Variants in GABRB3 observed in about 807,000 individuals in gnomAD.
The protein encoded by GABRB3 is gamma-aminobutyric acid receptor subunit beta-3.
Under a neutral mutation model 52.1 loss-of-function variants are expected in GABRB3, and 14 were observed. That is an observed-to-expected ratio of 0.27 (90% CI 0.18 to 0.42). The LOEUF (loss-of-function observed/expected upper bound fraction) is 0.42, where lower values mean the gene tolerates loss of function less well. Ranked by LOEUF, GABRB3 falls within the 10% of genes least tolerant of loss-of-function variation. The probability of loss-of-function intolerance (pLI) is 1.00; values close to 1 mark genes in which losing one functional copy is unlikely to be tolerated. For synonymous variants in GABRB3, 260 were observed against 232.3 expected (o/e 1.12, Z -1.08); for missense variants, 307 against 609.1 (o/e 0.50, Z 5.22).
At chr15:26,577,732 G>A (rs951350083) in intron 6 of GABRB3, among the ~76,000 whole-genome samples, 6 of 152,084 alleles carry the variant, frequency 3.9e-5, no homozygotes, top group African/African-American at 4.8e-5. Context: ...AATTCCTACC[G>A]CCTGGTGACA....
chr15:26,628,447 G>C (rs2140553656), intron 3 of GABRB3, among the ~76,000 whole-genome samples: 1 of 152,280 alleles, frequency 6.6e-6, no homozygotes, highest in East Asian at 1.9e-4. Flanking sequence ...TCTAGGTTAA[G>C]TGCTATACTA....
chr15:26,662,794 T>A (rs578046053), intron 3 of GABRB3, among the ~76,000 whole-genome samples: 7 of 152,274 alleles, frequency 4.6e-5, no homozygotes, highest in African/African-American at 1.7e-4. Context: ...GGAAAAGCAT[T>A]ACCAGGAACA....
intron 3 of GABRB3, among the ~76,000 whole-genome samples, chr15:26,717,068 C>A (rs767066995): frequency 1.5e-4 from 20 of 136,412 alleles, no homozygotes; most frequent in Middle Eastern, 3.8e-3. Flanking sequence ...CCTCCGATGA[C>A]AGCCCAGCTC....
In GABRB3 at chr15:26,660,392, G is replaced by C. The variant is rs189444483; in HGVS notation, c.241-38858C>G. 1.4e-4 allele frequency among the ~76,000 whole-genome samples: 21 copies of C among 152,276 alleles called. 1 individual carries two copies. Among genetic ancestry groups the C allele is most frequent in the Admixed American group, 1.3e-3 (20 of 15,294 alleles). On this transcript the variant is annotated intron_variant, in intron 3 of 8. Coordinates refer to ENST00000311550, the MANE Select transcript of GABRB3 (RefSeq NM_000814.6). The stretch of plus-strand genomic sequence containing the variant: ...TAGTTAAAACCACCGGATCTCAGAT[G>C]GTGAGGGATTTCTGAAATCCCAAGT...
At chr15:26,724,986 T>C (rs1361527604) in intron 3 of GABRB3, among the ~76,000 whole-genome samples, 2 of 152,172 alleles carry the variant, frequency 1.3e-5, no homozygotes, top group East Asian at 1.9e-4. Context: ...ACACAGCCCA[T>C]GGAGCTCACA....
rs371340009 is a variant in GABRB3 at position 26,725,898 on chromosome 15, T to C, written c.240+46504A>G. ...AAGGTGTCACTATCTCAGCCACCCA[T>C]GTAGACAATCTGTGGTTGTTCAGCA... On this transcript the variant is annotated intron_variant, in intron 3 of 8. Transcript: ENST00000311550. Among the ~76,000 whole-genome samples, 9 of 152,330 alleles carry C rather than the reference T, an allele frequency of 5.9e-5. 1 individual carries two copies. The highest frequency in any genetic ancestry group is 5.8e-4 in the East Asian group (3 of 5,182).
intron 4 of GABRB3, among the ~76,000 whole-genome samples, chr15:26,588,959 G>A (rs1281366825): frequency 6.6e-6 from 1 of 152,176 alleles, no homozygotes; most frequent in African/African-American, 2.4e-5. Flanking sequence ...TGTAAGGAGA[G>A]CACTATCTCT....
At chr15:26,682,676 A>C (rs1888275242) in intron 3 of GABRB3, among the ~76,000 whole-genome samples, 1 of 152,246 alleles carries the variant, frequency 6.6e-6, no homozygotes, top group Admixed American at 6.5e-5. Flanking sequence ...GTCCTTTGAC[A>C]TAATGATGGA....
intron 3 of GABRB3, among the ~76,000 whole-genome samples, chr15:26,757,898 G>GA (rs1890705322): frequency 6.6e-6 from 1 of 152,154 alleles, no homozygotes; most frequent in African/African-American, 2.4e-5. Flanking sequence ...ACTTCACTGT[G>GA]AAGCATCAAA....
intron 3 of GABRB3, among the ~76,000 whole-genome samples, chr15:26,758,415 T>C (rs181317945): frequency 2.6e-4 from 40 of 152,292 alleles, no homozygotes; most frequent in African/African-American, 8.9e-4. Flanking sequence ...TTAATTATTT[T>C]AGAAACTCAG....
intron 3 of GABRB3, among the ~76,000 whole-genome samples, chr15:26,753,867 G>A (rs1343697320): frequency 6.6e-6 from 1 of 152,180 alleles, no homozygotes; most frequent in Admixed American, 6.5e-5. Context: ...AACCAATGCT[G>A]TTGGTCTTCT....
intron 3 of GABRB3, among the ~76,000 whole-genome samples, chr15:26,731,062 C>T (rs111536581): frequency 8.6e-5 from 7 of 81,504 alleles, no homozygotes; most frequent in South Asian, 3.4e-4. Context: ...CTCTCTCACT[C>T]GCTCTCGCTC....
intron 4 of GABRB3, among the ~76,000 whole-genome samples, chr15:26,609,707 A>G (rs1353482615): frequency 2.0e-5 from 3 of 152,202 alleles, no homozygotes; most frequent in African/African-American, 7.2e-5. Context: ...TTTAAGTTCT[A>G]TTGAAGAGCA....
At chr15:26,605,646 T>C (rs1471470876) in intron 4 of GABRB3, among the ~76,000 whole-genome samples, 2 of 152,180 alleles carry the variant, frequency 1.3e-5, no homozygotes. Flanking sequence ...CTGGAGGTCA[T>C]CATGTTAATT....
chr15:26,729,494 C>T (rs1415921283), intron 3 of GABRB3, among the ~76,000 whole-genome samples: 4 of 152,110 alleles, frequency 2.6e-5, no homozygotes, highest in Admixed American at 2.6e-4. Flanking sequence ...TAATGGCTAG[C>T]CTTTTAGGAG....
In GABRB3 at chr15:26,546,691, C is replaced by A. The variant is rs1889255539; in HGVS notation, c.*1102G>T. The A allele has an allele frequency of 6.6e-6, 1 of 152,362 alleles. No individual in the cohort carries two copies. The allele number at this position is 152,362 out of a possible 1,614,324, so 9.4% of individuals were successfully genotyped here. ...TCTAGATAACAGAAAGTAGTTACAT[C>A]ACATAAAGGAAAATATGACATCGCA... On this transcript the variant is annotated 3_prime_UTR_variant, in exon 9 of 9. Transcript: ENST00000311550.
chr15:26,723,847 A>G lies in GABRB3; in HGVS notation c.240+48555T>C, dbSNP rs192194650. Reference sequence around the variant, plus strand: ...AGGCTCCACTGTTTTTTCACAAAGAAAAACTTATCAGACACGTGATGTAAA... The same window carrying G: ...AGGCTCCACTGTTTTTTCACAAAGAGAAACTTATCAGACACGTGATGTAAA... On this transcript the variant is annotated intron_variant, in intron 3 of 8. Transcript: ENST00000311550. 2.8e-4 allele frequency among the ~76,000 whole-genome samples: 43 copies of G among 152,306 alleles called. No individual in the cohort carries two copies. The East Asian group carries it at 8.3e-3, about 29-fold the overall frequency.
At chr15:26,663,060 C>CGT (rs151144788) in intron 3 of GABRB3, among the ~76,000 whole-genome samples, 4,055 of 152,012 alleles carry the variant, frequency 0.027, 174 homozygotes, top group African/African-American at 0.088. Flanking sequence ...TAGATGTAAA[C>CGT]GTGTGTGTGT....
intron 8 of GABRB3, among the ~76,000 whole-genome samples, chr15:26,560,649 G>T (rs1889944093): frequency 6.6e-6 from 1 of 152,036 alleles, no homozygotes; most frequent in South Asian, 2.1e-4. Flanking sequence ...AGTCAATTTT[G>T]TTGGCCAATC....
Sources: allele counts gnomAD v4.1 joint callset (sites outside exome capture counted in the v4.1 genomes callset), GRCh38; gene constraint gnomAD v4.1.1; transcripts MANE v1.5; gene names NCBI Gene and HGNC (gene_info 2026-07-23, HGNC 2026-07-21).